The following PTPRO variants were observed in gnomAD, a reference collection of about 807,000 sequenced individuals.
The protein encoded by PTPRO is protein tyrosine phosphatase receptor type O.
In PTPRO, 62 loss-of-function variants were observed where a neutral mutation model predicts 145.2. The observed-to-expected ratio is 0.43, with a 90% CI of 0.35 to 0.53. The LOEUF is 0.53. Among genes scored for constraint, PTPRO ranks in the 20% least tolerant of loss-of-function variants. The pLI is 0.01. For missense variants in PTPRO, 1,345 were observed against 1,482.7 expected, an observed-to-expected ratio of 0.91 and a Z score of 1.53; for synonymous variants, 565 against 514.7, an observed-to-expected ratio of 1.10 and a Z score of -1.32.
At chr12:15,466,495 T>C (rs973507395) in intron 1 of PTPRO, among the ~76,000 whole-genome samples, 1 of 152,258 alleles carries the variant, frequency 6.6e-6, no homozygotes, top group African/African-American at 2.4e-5. Context: ...GGATTTCTTA[T>C]GTTATTCAGA....
At chr12:15,480,536 GC>G (rs1941756186) in intron 1 of PTPRO, among the ~76,000 whole-genome samples, 3 of 152,096 alleles carry the variant, frequency 2.0e-5, no homozygotes, top group Admixed American at 2.0e-4. Context: ...TCAGGAATCA[GC>G]CTGAGGTTTG....
chr12:15,343,371 AC>A lies in PTPRO; in HGVS notation c.75+20572del, dbSNP rs533290344. Among the ~76,000 whole-genome samples, 540 of 152,252 alleles carry A rather than the reference AC, an allele frequency of 3.5e-3. 7 individuals carry two copies. The highest frequency in any genetic ancestry group is 0.012 in the African/African-American group (508 of 41,552). On this transcript the variant is annotated intron_variant, in intron 1 of 26. Transcript: ENST00000281171. ...TTACGTTAAATGTCCTAAATAAGCA[AC>A]CATTTAATATGAATTTAAAATTAAA...
At chr12:15,530,310 G>A (rs977652000) in intron 12 of PTPRO, among the ~76,000 whole-genome samples, 12 of 152,144 alleles carry the variant, frequency 7.9e-5, no homozygotes, top group Admixed American at 7.2e-4. Flanking sequence ...TCTCAGTAAC[G>A]TATAGATCTT....
At chr12:15,475,850 C>G (rs571563537) in intron 1 of PTPRO, among the ~76,000 whole-genome samples, 1 of 151,782 alleles carries the variant, frequency 6.6e-6, no homozygotes, top group African/African-American at 2.4e-5. Context: ...TAATTTGTAT[C>G]GACTAGATGA....
chr12:15,557,064 A>C (rs952338600), intron 15 of PTPRO, among the ~76,000 whole-genome samples: 1 of 148,832 alleles, frequency 6.7e-6, no homozygotes, highest in Non-Finnish European at 1.5e-5. Flanking sequence ...TTTTTGAGAC[A>C]GAGTCTTGCT....
chr12:15,433,463 G>C (rs1234379009), intron 1 of PTPRO, among the ~76,000 whole-genome samples: 1 of 152,154 alleles, frequency 6.6e-6, no homozygotes, highest in Non-Finnish European at 1.5e-5. Flanking sequence ...GATTACAGGC[G>C]ACAGCCACCA....
intron 1 of PTPRO, among the ~76,000 whole-genome samples, chr12:15,391,688 C>A (rs1565603262): frequency 6.6e-6 from 1 of 152,188 alleles, no homozygotes; most frequent in Admixed American, 6.5e-5. Flanking sequence ...CCTAAAGTGA[C>A]CAAGTGGTAG....
intron 15 of PTPRO, among the ~76,000 whole-genome samples, chr12:15,556,279 A>C (rs1943622470): frequency 6.6e-6 from 1 of 152,170 alleles, no homozygotes; most frequent in Non-Finnish European, 1.5e-5. Context: ...TTTTCAAAAG[A>C]AGAAAATTGT....
chr12:15,550,269 C>G (rs1232147200), intron 14 of PTPRO, among the ~76,000 whole-genome samples: 2 of 152,158 alleles, frequency 1.3e-5, no homozygotes, highest in African/African-American at 4.8e-5. Context: ...TTGAGAAAAT[C>G]GTAAGGAAGA....
intron 1 of PTPRO, among the ~76,000 whole-genome samples, chr12:15,403,697 A>G (rs78176280): frequency 0.011 from 1,642 of 152,264 alleles, 54 homozygotes; most frequent in East Asian, 0.11. Flanking sequence ...TTACTGCCCT[A>G]CAATCACTTC....
intron 1 of PTPRO, among the ~76,000 whole-genome samples, chr12:15,361,401 T>C (rs1938203623): frequency 1.5e-5 from 2 of 134,316 alleles, no homozygotes; most frequent in Non-Finnish European, 3.0e-5. Flanking sequence ...ATTTCACTAC[T>C]GCACTCCAGC....
At chr12:15,569,288 A>T in intron 18 of PTPRO, 129 bp from the exon 19 acceptor site, 2 of 786,982 alleles carry the variant, frequency 2.5e-6, no homozygotes, top group African/African-American at 1.8e-5. Context: ...AAAAAAGGTG[A>T]GTGCTAACCT....
chr12:15,481,682 C>A (rs1391898216), intron 1 of PTPRO, among the ~76,000 whole-genome samples: 2 of 152,064 alleles, frequency 1.3e-5, no homozygotes, highest in African/African-American at 2.4e-5. Context: ...ATTAGGAACA[C>A]AATTTAGTCT....
At chr12:15,477,301 T>A (rs1255077506) in intron 1 of PTPRO, among the ~76,000 whole-genome samples, 1 of 125,960 alleles carries the variant, frequency 7.9e-6, no homozygotes, top group African/African-American at 3.1e-5. Context: ...AATTGAACAA[T>A]GAGATCACAT....
intron 6 of PTPRO, 79 bp downstream of exon 6, chr12:15,504,148 T>A (rs1262390629): frequency 3.5e-6 from 5 of 1,437,312 alleles, no homozygotes; most frequent in Non-Finnish European, 3.9e-6. Flanking sequence ...TGCTCAGATG[T>A]CAATTATTCA....
At chr12:15,404,136 C>T (rs145961327) in intron 1 of PTPRO, among the ~76,000 whole-genome samples, 6 of 146,784 alleles carry the variant, frequency 4.1e-5, no homozygotes, top group Non-Finnish European at 8.9e-5. Flanking sequence ...TTGCAGTGAG[C>T]CGAGATCTCG....
intron 1 of PTPRO, among the ~76,000 whole-genome samples, chr12:15,407,854 A>T (rs1452710604): frequency 2.0e-5 from 3 of 152,226 alleles, no homozygotes; most frequent in Non-Finnish European, 4.4e-5. Context: ...TATCAAGCTC[A>T]TTCACTTTAC....
chr12:15,524,668 T>C (rs1942800402), intron 10 of PTPRO, 146 bp from the exon 11 acceptor site: 9 of 811,018 alleles, frequency 1.1e-5, no homozygotes, highest in Middle Eastern at 3.4e-4. Context: ...TTCACTGTTA[T>C]TGAGAGGTCC....
chr12:15,584,521 A>G (rs1944390257), intron 23 of PTPRO, among the ~76,000 whole-genome samples: 1 of 152,182 alleles, frequency 6.6e-6, no homozygotes, highest in African/African-American at 2.4e-5. Flanking sequence ...TTAAGTGATG[A>G]CCTATCTTTC....
Sources: allele counts gnomAD v4.1 joint callset (sites outside exome capture counted in the v4.1 genomes callset), GRCh38; gene constraint gnomAD v4.1.1; transcripts MANE v1.5; gene names NCBI Gene and HGNC (gene_info 2026-07-23, HGNC 2026-07-21).